Variants in MAN1C1 observed in about 807,000 individuals in gnomAD.
MAN1C1 encodes the protein mannosyl-oligosaccharide 1,2-alpha-mannosidase IC.
Under a neutral mutation model 71.5 loss-of-function variants are expected in MAN1C1, and 49 were observed. That is an observed-to-expected ratio of 0.69 (90% confidence interval 0.54 to 0.87). The LOEUF is 0.87. Among genes scored for constraint, MAN1C1 ranks in the 40% least tolerant of loss-of-function variants. The pLI is 0.00. For missense variants in MAN1C1, 743 were observed against 835.0 expected (o/e 0.89, Z 1.36); for synonymous variants, 352 against 343.7 (o/e 1.02, Z -0.27).
Position 25,680,517 on chromosome 1 carries a change from G to A in MAN1C1, c.541-5923G>A, listed in dbSNP as rs536634509. On this transcript the variant is annotated intron_variant, in intron 1 of 11. Transcript: ENST00000374332. Reference sequence around the variant, plus strand: ...GCGACCACTAATCTGCTTTCTGCTCGGATGGATTTGCTTATGCTGGACATT... The same window carrying A: ...GCGACCACTAATCTGCTTTCTGCTCAGATGGATTTGCTTATGCTGGACATT... Among the ~76,000 whole-genome samples the A allele has an allele frequency of 7.9e-5, 12 of 152,186 alleles. No individual in the cohort carries two copies. In the South Asian group the frequency reaches 8.3e-4, roughly 11 times the overall value.
At chr1:25,618,665 G>C (rs2045156002) in intron 1 of MAN1C1, among the ~76,000 whole-genome samples, 2 of 152,040 alleles carry the variant, frequency 1.3e-5, no homozygotes, top group African/African-American at 4.8e-5. Context: ...CCTTCCCTTT[G>C]TGGAGTTGCT....
At chr1:25,662,614 CCAAAT>C (rs1438844776) in intron 1 of MAN1C1, among the ~76,000 whole-genome samples, 1 of 152,156 alleles carries the variant, frequency 6.6e-6, no homozygotes, top group African/African-American at 2.4e-5. Context: ...TCCGTAAACT[CCAAAT>C]CAAGAACTCT....
At chr1:25,658,229 G>C (rs954683219) in intron 1 of MAN1C1, among the ~76,000 whole-genome samples, 1 of 152,218 alleles carries the variant, frequency 6.6e-6, no homozygotes, top group African/African-American at 2.4e-5. Flanking sequence ...CTGAGGCTCA[G>C]AGGTGTTAAA....
chr1:25,705,302 T>A (rs1463047865), intron 2 of MAN1C1, among the ~76,000 whole-genome samples: 1 of 152,252 alleles, frequency 6.6e-6, no homozygotes, highest in African/African-American at 2.4e-5. Flanking sequence ...TATTTCTGCA[T>A]ACACAGAATC....
intron 2 of MAN1C1, among the ~76,000 whole-genome samples, chr1:25,705,282 A>G (rs1163751345): frequency 6.6e-6 from 1 of 152,268 alleles, no homozygotes; most frequent in Non-Finnish European, 1.5e-5. Flanking sequence ...GAAAGGAAAG[A>G]GAAGATATGT....
chr1:25,754,018 TCCTCCCACGAG>T (rs2047252202), intron 5 of MAN1C1, among the ~76,000 whole-genome samples: 1 of 151,908 alleles, frequency 6.6e-6, no homozygotes, highest in Non-Finnish European at 1.5e-5. Context: ...CACACCATCC[TCCTCCCACGAG>T]GAGGTCCCTG....
rs141743250 is a variant in MAN1C1, at chr1:25,753,869, C to T, written c.929+291C>T. 8.9e-4 allele frequency among the ~76,000 whole-genome samples: 135 copies of T among 152,292 alleles called. 1 individual carries two copies. The highest frequency in any genetic ancestry group is 1.7e-3 in the Non-Finnish European group (115 of 68,012). ...CCAAACCTGGGTGTCAGGGTTTAGT[C>T]CACATAAGCCTGAGCCTCCTGGGGT... On this transcript the variant is annotated intron_variant, in intron 5 of 11. Transcript: ENST00000374332. This position sits in a 1 kb window ranked among gnomAD's most constrained non-coding sequence, Gnocchi z 4.9.
intron 5 of MAN1C1, 100 bp from the exon 6 acceptor site, chr1:25,758,492 T>C (rs1471649261): frequency 2.1e-6 from 2 of 971,368 alleles, no homozygotes; most frequent in East Asian, 4.8e-5. Flanking sequence ...TCCATGCCTG[T>C]CACATAGTAG....
chr1:25,713,151 A>G (rs1376845375), intron 2 of MAN1C1, among the ~76,000 whole-genome samples: 2 of 152,136 alleles, frequency 1.3e-5, no homozygotes, highest in Non-Finnish European at 2.9e-5. Flanking sequence ...CAGATGAGGT[A>G]AATAACTTGC....
intron 1 of MAN1C1, among the ~76,000 whole-genome samples, chr1:25,682,463 A>C (rs749967224): frequency 6.6e-6 from 1 of 152,176 alleles, no homozygotes; most frequent in South Asian, 2.1e-4. Flanking sequence ...CCCATTTCCA[A>C]AAGAACAGCC....
At chr1:25,696,143 C>G (rs1308816996) in intron 2 of MAN1C1, among the ~76,000 whole-genome samples, 1 of 152,198 alleles carries the variant, frequency 6.6e-6, no homozygotes, top group Non-Finnish European at 1.5e-5. Context: ...TTGCGAAGAC[C>G]TTTCCTTCCT....
chr1:25,749,057 A>G (rs142694826), intron 3 of MAN1C1, among the ~76,000 whole-genome samples, 198 bp from the exon 4 acceptor site: 1 of 152,350 alleles, frequency 6.6e-6, no homozygotes, highest in Non-Finnish European at 1.5e-5. Flanking sequence ...TTTATTTGGA[A>G]TGCTAGAAAT....
rs900277270 is a variant in MAN1C1, at chr1:25,725,463, T to C, written c.638-21205T>C. Reference sequence around the variant, plus strand: ...TGGGAACTTCACAGAGCAGGTTACGTTGAGCTGGGCTTTGAAGAATAAGCT... The same window carrying C: ...TGGGAACTTCACAGAGCAGGTTACGCTGAGCTGGGCTTTGAAGAATAAGCT... On this transcript the variant is annotated intron_variant, in intron 2 of 11. Coordinates refer to ENST00000374332, the MANE Select transcript of MAN1C1 (RefSeq NM_020379.4). This position sits in a 1 kb window ranked among gnomAD's most constrained non-coding sequence, Gnocchi z 4.8. Among the ~76,000 whole-genome samples the C allele has an allele frequency of 3.3e-5, 5 of 152,186 alleles. No individual in the cohort carries two copies. The highest frequency in any genetic ancestry group is 1.2e-4 in the African/African-American group (5 of 41,438).
At chr1:25,696,329 G>A (rs186347131) in intron 2 of MAN1C1, among the ~76,000 whole-genome samples, 1 of 152,306 alleles carries the variant, frequency 6.6e-6, no homozygotes, top group East Asian at 1.9e-4. Context: ...CTGAGGACCG[G>A]GAGGCAGGTC....
chr1:25,694,669 CCACACA>C (rs372128412), intron 2 of MAN1C1, among the ~76,000 whole-genome samples: 1 of 152,076 alleles, frequency 6.6e-6, no homozygotes, highest in African/African-American at 2.4e-5. Flanking sequence ...CTCTCCCCCT[CCACACA>C]CACACACCAG....
At chr1:25,783,600 C>T in intron 11 of MAN1C1, 63 bp from the exon 12 acceptor site, 5 of 1,580,160 alleles carry the variant, frequency 3.2e-6, no homozygotes, top group Non-Finnish European at 4.3e-6. Flanking sequence ...TTCCCAGGCC[C>T]ACCCTTCTTC....
chr1:25,707,019 GCTTGCC>G (rs1395717516), intron 2 of MAN1C1, among the ~76,000 whole-genome samples: 1 of 152,242 alleles, frequency 6.6e-6, no homozygotes, highest in African/African-American at 2.4e-5. Flanking sequence ...AATGGGGAGG[GCTTGCC>G]CTCCACTTGG....
chr1:25,647,327 T>C (rs1235875258), intron 1 of MAN1C1, among the ~76,000 whole-genome samples: 1 of 152,112 alleles, frequency 6.6e-6, no homozygotes, highest in African/African-American at 2.4e-5. Flanking sequence ...TTGGGAGGGC[T>C]GTTCCAGGTG....
intron 2 of MAN1C1, among the ~76,000 whole-genome samples, chr1:25,728,000 A>G (rs1223326347): frequency 1.3e-5 from 2 of 152,190 alleles, no homozygotes; most frequent in Non-Finnish European, 2.9e-5. Flanking sequence ...CCTGTTAATG[A>G]GTTGTGAGAG....
Sources: allele counts gnomAD v4.1 joint callset (sites outside exome capture counted in the v4.1 genomes callset), GRCh38; gene constraint gnomAD v4.1.1; non-coding constraint Gnocchi (gnomAD v3.1); transcripts MANE v1.5; gene names NCBI Gene and HGNC (gene_info 2026-07-23, HGNC 2026-07-21).